The following TMPRSS4 variants were observed in gnomAD, a reference collection of about 807,000 sequenced individuals.
The protein encoded by TMPRSS4 is transmembrane serine protease 4.
Under a neutral mutation model 56.4 loss-of-function variants are expected in TMPRSS4, and 45 were observed. That is an observed-to-expected ratio of 0.80 (90% confidence interval 0.63 to 1.02). TMPRSS4 has a LOEUF of 1.02. Ranked by LOEUF, TMPRSS4 falls within the 50% of genes least tolerant of loss-of-function variation. The pLI, the probability that TMPRSS4 is intolerant of heterozygous loss-of-function variation, is 0.00. For missense variants in TMPRSS4, 546 were observed against 556.7 expected (o/e 0.98, Z 0.19); for synonymous variants, 205 against 211.0 (o/e 0.97, Z 0.25).
rs1945475032 is a variant in TMPRSS4 at position 118,085,460 on chromosome 11, G to C, written c.3+8155G>C. On this transcript the variant is annotated intron_variant, in intron 1 of 12. Transcript: ENST00000437212. The stretch of plus-strand genomic sequence containing the variant: ...GGCTGGTCTCAAACTCCTGGCTGGA[G>C]TCAGTCCCAATCAGTTCCTTTTCCC... Among the ~76,000 whole-genome samples, 4 of 152,180 alleles carry C rather than the reference G, an allele frequency of 2.6e-5. No homozygotes were observed. In the Middle Eastern group the frequency reaches 0.014, roughly 518 times the overall value.
At chr11:118,083,667 C>T (rs1159583100) in intron 1 of TMPRSS4, among the ~76,000 whole-genome samples, 1 of 152,032 alleles carries the variant, frequency 6.6e-6, no homozygotes, top group African/African-American at 2.4e-5. Flanking sequence ...AGAGCTTTAC[C>T]TCTGGTTCAC....
intron 9 of TMPRSS4, 43 bp from the exon 10 acceptor site, chr11:118,114,786 A>G (rs1175364593): frequency 1.3e-6 from 2 of 1,528,036 alleles, no homozygotes; most frequent in Non-Finnish European, 1.8e-6. Flanking sequence ...ATTAACACTT[A>G]TGATGAATAA....
downstream of TMPRSS4, chr11:118,125,238 T>C: frequency 4.4e-6 from 2 of 456,482 alleles, no homozygotes; most frequent in Non-Finnish European, 8.8e-6. Context: ...TGTTGAATAA[T>C]GGAAGATGGG....
chr11:118,107,558 G>A lies in TMPRSS4; in HGVS notation c.441-216G>A, dbSNP rs1417691746. 3 of 444,400 alleles carry A rather than the reference G, an allele frequency of 6.8e-6. No homozygotes were observed. The East Asian group carries it at 1.0e-4, about 15-fold the overall frequency. 27.5% of individuals were successfully genotyped at this position (444,400 alleles called of 1,614,324 possible). On this transcript the variant is annotated intron_variant, in intron 5 of 12. Transcript: ENST00000437212. ...CAAGAAAGCAAGTTACATCAGCAAT[G>A]CACTGAGGGTTGAGTCCTGGGATGC...
intron 1 of TMPRSS4, among the ~76,000 whole-genome samples, chr11:118,078,052 G>A (rs113935081): frequency 0.047 from 5,426 of 115,622 alleles, 20 homozygotes; most frequent in Non-Finnish European, 0.078. Context: ...AAAGAAAGAA[G>A]GAAAAGAAAA....
downstream of TMPRSS4, among the ~76,000 whole-genome samples, chr11:118,122,347 C>A (rs372590666): frequency 5.3e-5 from 8 of 152,246 alleles, no homozygotes; most frequent in African/African-American, 1.9e-4. Flanking sequence ...GTACAGACAG[C>A]AAGCATTTAA....
At chr11:118,099,926 G>A (rs1361642480) in intron 3 of TMPRSS4, among the ~76,000 whole-genome samples, 2 of 152,146 alleles carry the variant, frequency 1.3e-5, no homozygotes, top group African/African-American at 2.4e-5. Flanking sequence ...TCAACTGAAG[G>A]AGCAGGGATG....
chr11:118,115,797 T>G (rs1193831307), intron 11 of TMPRSS4, among the ~76,000 whole-genome samples: 1 of 152,308 alleles, frequency 6.6e-6, no homozygotes, highest in South Asian at 2.1e-4. Context: ...CACTCCAGCC[T>G]GGGTGACCCA....
rs627999 is a variant in TMPRSS4, at chr11:118,121,440, T to C, written c.*3527T>C. On this transcript the variant is annotated 3_prime_UTR_variant, in exon 13 of 13. Transcript: ENST00000437212. ...GTGGCAGGATCTTGGCTCACTGCTA[T>C]CTCCACCTCCCAGGTTCAAGTGATT... 150,209 of 152,254 alleles carry C rather than the reference T, an allele frequency of 0.99. 74,103 individuals carry two copies. The highest frequency in any genetic ancestry group is 1 in the East Asian group (5,179 of 5,180). 9.4% of individuals were successfully genotyped at this position (152,254 alleles called of 1,614,324 possible).
chr11:118,112,166 G>A (rs184310957), intron 8 of TMPRSS4, among the ~76,000 whole-genome samples: 7 of 152,114 alleles, frequency 4.6e-5, no homozygotes, highest in East Asian at 3.9e-4. Flanking sequence ...CCCCCATATC[G>A]TTCAAGCTAC....
chr11:118,087,922 C>T (rs567812485), intron 1 of TMPRSS4, among the ~76,000 whole-genome samples: 1 of 152,344 alleles, frequency 6.6e-6, no homozygotes, highest in African/African-American at 2.4e-5. Flanking sequence ...TCCCAACATG[C>T]TCTTTGAGGT....
chr11:118,104,874 C>G (rs758703968), intron 5 of TMPRSS4, 54 bp downstream of exon 5: 15 of 1,491,514 alleles, frequency 1.0e-5, no homozygotes, highest in Non-Finnish European at 1.3e-5. Context: ...CCTCCTCTTC[C>G]TCCTTTCCTT....
downstream of TMPRSS4, among the ~76,000 whole-genome samples, chr11:118,124,223 A>G (rs138493697): frequency 1.6e-4 from 25 of 152,258 alleles, no homozygotes; most frequent in African/African-American, 5.5e-4. Context: ...TGTCTCTACT[A>G]AAAATACAAA....
rs1230991497 is a variant in TMPRSS4, at chr11:118,115,287, C to T, written c.1152+7C>T. Reference sequence around the variant, plus strand: ...GGGTGTGGACACCTGCCAGGTGGGGCCTCCAAGAATCATGGGGAGTTCTAA... The same window carrying T: ...GGGTGTGGACACCTGCCAGGTGGGGTCTCCAAGAATCATGGGGAGTTCTAA... On this transcript the variant is annotated splice_region_variant and intron_variant, in intron 11 of 12. Coordinates refer to ENST00000437212, the MANE Select transcript of TMPRSS4 (RefSeq NM_019894.4). 1 of 1,611,494 alleles carries T rather than the reference C, an allele frequency of 6.2e-7. No individual in the cohort carries two copies. The highest frequency in any genetic ancestry group is 8.5e-7 in the Non-Finnish European group (1 of 1,179,582).
At chr11:118,078,976 T>C (rs941203617) in intron 1 of TMPRSS4, among the ~76,000 whole-genome samples, 1 of 152,096 alleles carries the variant, frequency 6.6e-6, no homozygotes, top group Admixed American at 6.5e-5. Context: ...GAGGAGTCTG[T>C]GCTAGGAAAT....
At chr11:118,124,316 C>T (rs146901268), downstream of TMPRSS4, among the ~76,000 whole-genome samples, 7,874 of 152,078 alleles carry the variant, frequency 0.052, 632 homozygotes, top group African/African-American at 0.17. Flanking sequence ...ACCCGGGAGG[C>T]GGAGGTTGCA....
At chr11:118,099,975 T>C (rs2135390813) in intron 3 of TMPRSS4, among the ~76,000 whole-genome samples, 1 of 152,230 alleles carries the variant, frequency 6.6e-6, no homozygotes, top group East Asian at 1.9e-4. Context: ...GATGGAGTCG[T>C]TGCCTTTGTT....
chr11:118,111,802 T>C lies in TMPRSS4; in HGVS notation c.645T>C (p.Ser215=). 6.2e-7 allele frequency: 1 copy of C among 1,604,700 alleles called. No individual in the cohort carries two copies. The highest frequency in any genetic ancestry group is 8.5e-7 in the Non-Finnish European group (1 of 1,176,012). Residue 215 remains serine, a synonymous_variant, in exon 8 of 13, where the codon TCT becomes TCC. Transcript: ENST00000437212. ...VVGVEEASVD[S]WPWQVSIQYD... The stretch of plus-strand genomic sequence containing the variant: ...GTGTGGAGGAGGCCTCTGTGGATTC[T>C]TGGCCTTGGCAGGTCAGCATCCAGT...
At position 118,087,282 on chromosome 11, in the gene TMPRSS4, C is replaced by A. The variant is rs377675446; in HGVS notation, c.4-7534C>A. On this transcript the variant is annotated intron_variant, in intron 1 of 12. Transcript: ENST00000437212. ...CCAGAGCAAGTCAATGCCAAGTCAGCATTGCAGAGAGGAAGAGAGAAATCA... is the reference window on the plus strand; with the variant it reads ...CCAGAGCAAGTCAATGCCAAGTCAGAATTGCAGAGAGGAAGAGAGAAATCA... Among the ~76,000 whole-genome samples, 82 of 152,278 alleles carry A rather than the reference C, an allele frequency of 5.4e-4. 1 individual carries two copies. The highest frequency in any genetic ancestry group is 1.9e-3 in the African/African-American group (78 of 41,564).
Sources: allele counts gnomAD v4.1 joint callset (sites outside exome capture counted in the v4.1 genomes callset), GRCh38; gene constraint gnomAD v4.1.1; transcripts MANE v1.5; gene names NCBI Gene and HGNC (gene_info 2026-07-23, HGNC 2026-07-21).